CNTLN: variants seen among roughly 807,000 people sequenced by gnomAD.
The protein encoded by CNTLN is centlein, centrosomal protein.
In CNTLN, 212 loss-of-function variants were observed where a neutral mutation model predicts 180.0. The observed-to-expected ratio is 1.18, with a 90% CI of 1.05 to 1.32. The LOEUF is 1.32. Ranked by LOEUF, CNTLN falls within the 40% of genes most tolerant of loss-of-function variation. CNTLN has a pLI of 0.00. For missense variants in CNTLN, 2,095 were observed against 1,610.9 expected, an observed-to-expected ratio of 1.30 and a Z score of -5.14; for synonymous variants, 722 against 563.1, an observed-to-expected ratio of 1.28 and a Z score of -3.99.
intron 2 of CNTLN, among the ~76,000 whole-genome samples, chr9:17,225,355 A>C (rs571650810): frequency 1.9e-4 from 29 of 152,112 alleles, no homozygotes; most frequent in Non-Finnish European, 3.5e-4. Flanking sequence ...TCTGGGGGAC[A>C]GCAAATAGTA....
At chr9:17,242,538 T>C (rs970447974) in intron 5 of CNTLN, among the ~76,000 whole-genome samples, 8 of 152,286 alleles carry the variant, frequency 5.3e-5, no homozygotes, top group African/African-American at 1.7e-4. Context: ...CTCGAACTCC[T>C]GACCTCAGGT....
chr9:17,378,249 G>C (rs1291594830), intron 13 of CNTLN, among the ~76,000 whole-genome samples: 1 of 152,060 alleles, frequency 6.6e-6, no homozygotes, highest in Non-Finnish European at 1.5e-5. Context: ...GCACAATCTT[G>C]GCTCATTGCA....
intron 12 of CNTLN, among the ~76,000 whole-genome samples, chr9:17,359,492 A>G (rs1437313982): frequency 6.6e-6 from 1 of 151,882 alleles, no homozygotes; most frequent in Non-Finnish European, 1.5e-5. Context: ...AAGTAGTAGT[A>G]CTCAGAATAT....
Position 17,298,553 on chromosome 9 carries a change from A to G in CNTLN, c.1146+201A>G, listed in dbSNP as rs917289592. On this transcript the variant is annotated intron_variant, in intron 7 of 25. Coordinates refer to ENST00000380647, the MANE Select transcript of CNTLN (RefSeq NM_017738.4). ...TTTTCTTTATGGTAATTAGAGCTGA[A>G]TCACTTAAAATATAGATACAAACTT... The G allele has an allele frequency of 1.9e-5, 23 of 1,225,088 alleles. 1 individual carries two copies. In the Middle Eastern group the frequency reaches 1.3e-3, roughly 67 times the overall value. 75.9% of individuals were successfully genotyped at this position (1,225,088 alleles called of 1,614,324 possible).
chr9:17,294,711 GC>G (rs1161040510), intron 6 of CNTLN, among the ~76,000 whole-genome samples: 1 of 142,406 alleles, frequency 7.0e-6, no homozygotes, highest in Non-Finnish European at 1.5e-5. Context: ...GGGACTGGCT[GC>G]CGTGGAGCAG....
intron 16 of CNTLN, among the ~76,000 whole-genome samples, chr9:17,410,050 A>G (rs1827721971): frequency 6.6e-6 from 1 of 152,168 alleles, no homozygotes; most frequent in Non-Finnish European, 1.5e-5. Flanking sequence ...TTTAAAACAT[A>G]ATTCAAAAAC....
chr9:17,267,098 T>C (rs1827522756), intron 5 of CNTLN, among the ~76,000 whole-genome samples: 1 of 152,158 alleles, frequency 6.6e-6, no homozygotes, highest in Non-Finnish European at 1.5e-5. Context: ...TAGCTGGTTA[T>C]TTTGCTCGTT....
intron 9 of CNTLN, among the ~76,000 whole-genome samples, chr9:17,332,248 A>G (rs538871311): frequency 6.6e-6 from 1 of 152,150 alleles, no homozygotes; most frequent in Admixed American, 6.5e-5. Flanking sequence ...TGGTTGTCCT[A>G]TCAAGTGTAA....
chr9:17,318,393 G>A (rs1032518243), intron 8 of CNTLN, among the ~76,000 whole-genome samples: 12 of 152,142 alleles, frequency 7.9e-5, no homozygotes, highest in African/African-American at 2.9e-4. Flanking sequence ...AGGAAGGCAA[G>A]GAAGAGAGGA....
intron 5 of CNTLN, among the ~76,000 whole-genome samples, chr9:17,267,631 T>A (rs1827580714): frequency 6.6e-6 from 1 of 152,104 alleles, no homozygotes; most frequent in Admixed American, 6.5e-5. Context: ...TCCTGCAGAG[T>A]GTTTTCCAAC....
chr9:17,265,893 A>T (rs1563936731), intron 5 of CNTLN, among the ~76,000 whole-genome samples: 1 of 151,734 alleles, frequency 6.6e-6, no homozygotes, highest in Non-Finnish European at 1.5e-5. Flanking sequence ...TATCCCCTTT[A>T]TCATTTTTTA....
chr9:17,506,873 G>A (rs369251444), downstream of CNTLN, among the ~76,000 whole-genome samples: 28 of 152,132 alleles, frequency 1.8e-4, no homozygotes, highest in African/African-American at 5.8e-4. Flanking sequence ...TTTTACATAC[G>A]TATGGGGTAA....
chr9:17,211,442 GT>G (rs1305616090), intron 2 of CNTLN, among the ~76,000 whole-genome samples: 2 of 152,154 alleles, frequency 1.3e-5, no homozygotes, highest in African/African-American at 4.8e-5. Context: ...GTACCATGCT[GT>G]TTTGGTTACT....
At chr9:17,174,599 G>C (rs1294712930) in intron 2 of CNTLN, among the ~76,000 whole-genome samples, 2 of 151,762 alleles carry the variant, frequency 1.3e-5, no homozygotes, top group Non-Finnish European at 2.9e-5. Context: ...GGGAGGCTGA[G>C]ACAGGAGAAT....
At chr9:17,266,447 T>C (rs1827451457) in intron 5 of CNTLN, among the ~76,000 whole-genome samples, 1 of 152,100 alleles carries the variant, frequency 6.6e-6, no homozygotes, top group African/African-American at 2.4e-5. Flanking sequence ...TGAGGAGAGC[T>C]TTGCTTCCCA....
chr9:17,182,648 A>G (rs1350009994), intron 2 of CNTLN, among the ~76,000 whole-genome samples: 2 of 152,232 alleles, frequency 1.3e-5, no homozygotes, highest in African/African-American at 2.4e-5. Flanking sequence ...AAGATTAAAA[A>G]GTTTGATAGA....
chr9:17,254,338 G>A (rs1169560407), intron 5 of CNTLN, among the ~76,000 whole-genome samples: 1 of 151,524 alleles, frequency 6.6e-6, no homozygotes. Context: ...TGCTTTTGTT[G>A]TCTATGCTTT....
At chr9:17,327,344 C>T (rs1251279202) in intron 8 of CNTLN, among the ~76,000 whole-genome samples, 2 of 150,050 alleles carry the variant, frequency 1.3e-5, no homozygotes, top group Admixed American at 1.3e-4. Context: ...TCCCGAGTAG[C>T]TGGGACTACA....
intron 7 of CNTLN, among the ~76,000 whole-genome samples, chr9:17,307,445 T>A (rs941177689): frequency 6.6e-6 from 1 of 152,066 alleles, no homozygotes; most frequent in Non-Finnish European, 1.5e-5. Context: ...ATTTTTTGTA[T>A]TTTTGGTAGA....
Sources: gnomAD v4.1 joint callset for allele counts (sites outside exome capture counted in the v4.1 genomes callset) on GRCh38, gnomAD v4.1.1 for gene constraint, MANE v1.5 for transcripts, NCBI Gene and HGNC (gene_info 2026-07-23, HGNC 2026-07-21) for gene names.